TTC39C: variants seen among roughly 807,000 people sequenced by gnomAD.
TTC39C encodes the protein tetratricopeptide repeat protein 39C.
In TTC39C, 33 loss-of-function variants were observed where a neutral mutation model predicts 76.3. The observed-to-expected ratio is 0.43, with a 90% confidence interval of 0.33 to 0.58. The LOEUF is 0.58. TTC39C is among the 20% of genes least tolerant of loss of function. The pLI, the probability that TTC39C is intolerant of heterozygous loss-of-function variation, is 0.04. For missense variants in TTC39C, 595 were observed against 701.4 expected, an observed-to-expected ratio of 0.85 and a Z score of 1.71; for synonymous variants, 254 against 260.6, an observed-to-expected ratio of 0.97 and a Z score of 0.24.
At chr18:24,055,370 A>G (rs1488975763) in intron 1 of TTC39C, among the ~76,000 whole-genome samples, 3 of 152,182 alleles carry the variant, frequency 2.0e-5, no homozygotes, top group Non-Finnish European at 4.4e-5. Context: ...CAAAGGTTCC[A>G]GTTTCTCCAC....
At chr18:24,078,046 C>T (rs1264950369) in intron 4 of TTC39C, among the ~76,000 whole-genome samples, 2 of 152,158 alleles carry the variant, frequency 1.3e-5, no homozygotes, top group East Asian at 3.8e-4. Context: ...GGTGTTTGTA[C>T]AGTAAATATT....
At chr18:24,001,034 T>G (rs942270341) in intron 1 of TTC39C, among the ~76,000 whole-genome samples, 1 of 152,140 alleles carries the variant, frequency 6.6e-6, no homozygotes, top group African/African-American at 2.4e-5. Context: ...GATTCTGTCA[T>G]TCTAGAACCT....
rs964796942 is a variant in TTC39C, at chr18:24,132,467, C to G, written c.1663-18C>G. On this transcript the variant is annotated intron_variant, in intron 13 of 13. Coordinates refer to ENST00000317571, the MANE Select transcript of TTC39C (RefSeq NM_001135993.2). ...CTTAGCTAACAGAGTGCATAAATATCTTTCTTTGATCTTACAGGAGGATTT... is the reference window on the plus strand; with the variant it reads ...CTTAGCTAACAGAGTGCATAAATATGTTTCTTTGATCTTACAGGAGGATTT... 6.2e-7 allele frequency: 1 copy of G among 1,612,084 alleles called. No individual in the cohort carries two copies. Among genetic ancestry groups the G allele is most frequent in the Admixed American group, 1.7e-5 (1 of 59,960 alleles).
chr18:23,999,334 C>T (rs923620915), intron 1 of TTC39C, among the ~76,000 whole-genome samples: 1 of 152,094 alleles, frequency 6.6e-6, no homozygotes, highest in Non-Finnish European at 1.5e-5. Flanking sequence ...ACCAAACTGG[C>T]CAGGGTGCCA....
upstream of TTC39C, among the ~76,000 whole-genome samples, chr18:24,012,499 A>C (rs1048106683): frequency 3.3e-5 from 5 of 152,182 alleles, no homozygotes; most frequent in Non-Finnish European, 7.4e-5. Flanking sequence ...CAGGGCCTCA[A>C]GTATAACTCA....
chr18:24,050,006 T>C (rs963203758), intron 1 of TTC39C, among the ~76,000 whole-genome samples: 5 of 152,210 alleles, frequency 3.3e-5, no homozygotes, highest in African/African-American at 1.2e-4. Context: ...ACCGTTTTCC[T>C]TGGCCTTCAT....
intron 1 of TTC39C, among the ~76,000 whole-genome samples, chr18:24,051,976 A>G (rs2083956663): frequency 6.6e-6 from 1 of 152,160 alleles, no homozygotes; most frequent in South Asian, 2.1e-4. Flanking sequence ...ACTCTTGGGG[A>G]CTTCCATTTA....
intron 3 of TTC39C, among the ~76,000 whole-genome samples, chr18:24,067,211 CATT>C (rs2084176970): frequency 6.6e-6 from 1 of 152,212 alleles, no homozygotes; most frequent in Non-Finnish European, 1.5e-5. Flanking sequence ...ATTTTAGAAA[CATT>C]ATGATAAAGA....
chr18:24,013,595 C>T (rs1274553674), upstream of TTC39C, among the ~76,000 whole-genome samples: 1 of 151,190 alleles, frequency 6.6e-6, no homozygotes, highest in Non-Finnish European at 1.5e-5. Context: ...AATGTTTCAG[C>T]AAAGTTTCTT....
chr18:24,060,041 A>AC (rs34560507), intron 1 of TTC39C, among the ~76,000 whole-genome samples: 30,960 of 152,042 alleles, frequency 0.2, 4,092 homozygotes, highest in Admixed American at 0.32. Flanking sequence ...CCCTCCCACA[A>AC]CACTTGGGAA....
intron 6 of TTC39C, among the ~76,000 whole-genome samples, chr18:24,085,390 A>G (rs905817619): frequency 2.0e-5 from 3 of 152,330 alleles, no homozygotes; most frequent in Middle Eastern, 3.4e-3. Flanking sequence ...TATACTTGCC[A>G]TTTGAGTAAT....
intron 1 of TTC39C, among the ~76,000 whole-genome samples, chr18:24,045,938 T>TAC (rs1568417561): frequency 9.8e-6 from 1 of 101,950 alleles, no homozygotes; most frequent in African/African-American, 4.1e-5. Flanking sequence ...TTTTTTTTTT[T>TAC]TTTTTTTTTT....
chr18:24,128,881 T>C lies in TTC39C; in HGVS notation c.1421-5T>C. 1 of 1,612,270 alleles carries C rather than the reference T, an allele frequency of 6.2e-7. No homozygotes were observed. The highest frequency in any genetic ancestry group is 8.5e-7 in the Non-Finnish European group (1 of 1,179,226). On this transcript the variant is annotated splice_region_variant and splice_polypyrimidine_tract_variant and intron_variant, in intron 10 of 13. Transcript: ENST00000317571. ...ACTGCTCTGTTCACTCCCCTTCTTT[T>C]TAAGCTTGCCATGAAGTGGATGACT...
intron 1 of TTC39C, among the ~76,000 whole-genome samples, chr18:24,038,042 A>G (rs1263355045): frequency 6.6e-6 from 1 of 152,180 alleles, no homozygotes; most frequent in East Asian, 1.9e-4. Flanking sequence ...GAGTTGTCAG[A>G]TGTGTATCTA....
chr18:24,118,081 G>A, intron 7 of TTC39C, 44 bp from the exon 8 acceptor site: 1 of 1,537,042 alleles, frequency 6.5e-7, no homozygotes, highest in Non-Finnish European at 8.9e-7. Context: ...GGGTCATAGA[G>A]CTCAGTACTT....
At chr18:24,024,008 A>ATTTT (rs1568409133) in intron 1 of TTC39C, among the ~76,000 whole-genome samples, 34 of 6,958 alleles carry the variant, frequency 4.9e-3, no homozygotes, top group Admixed American at 8.6e-3. Flanking sequence ...ATATATATAT[A>ATTTT]TATATATATT....
At chr18:24,106,883 C>T (rs762126279) in intron 6 of TTC39C, among the ~76,000 whole-genome samples, 2 of 152,182 alleles carry the variant, frequency 1.3e-5, no homozygotes, top group Non-Finnish European at 2.9e-5. Flanking sequence ...CGGGGTTTCA[C>T]CATGTTGGCC....
chr18:24,104,743 T>TGA (rs1555776571), intron 6 of TTC39C, among the ~76,000 whole-genome samples: 2 of 151,862 alleles, frequency 1.3e-5, no homozygotes, highest in Non-Finnish European at 1.5e-5. Context: ...TGTGTGTGTG[T>TGA]GATGAATGAA....
At chr18:24,024,336 C>T (rs1040983780) in intron 1 of TTC39C, among the ~76,000 whole-genome samples, 5 of 151,804 alleles carry the variant, frequency 3.3e-5, no homozygotes, top group Admixed American at 3.3e-4. Context: ...AGTGTAAATG[C>T]TCAGCACACC....
Sources: gnomAD v4.1 joint callset for allele counts (sites outside exome capture counted in the v4.1 genomes callset) on GRCh38, gnomAD v4.1.1 for gene constraint, MANE v1.5 for transcripts, NCBI Gene and HGNC (gene_info 2026-07-23, HGNC 2026-07-21) for gene names.